Variants in CUL3 observed in about 807,000 individuals in gnomAD.
CUL3 encodes cullin-3.
CUL3 carries 19 observed loss-of-function variants against 89.1 expected under a neutral mutation model. The observed-to-expected ratio is 0.21, with a 90% CI of 0.15 to 0.31. The LOEUF is 0.31. CUL3 is among the 10% of genes least tolerant of loss of function. The pLI is 1.00. For missense variants in CUL3, 469 were observed against 942.3 expected (o/e 0.50, Z 6.58); for synonymous variants, 351 against 308.4 (o/e 1.14, Z -1.45).
intron 6 of CUL3, among the ~76,000 whole-genome samples, chr2:224,509,210 A>AC (rs961443826): frequency 1.3e-5 from 2 of 151,716 alleles, no homozygotes; most frequent in Non-Finnish European, 2.9e-5. Flanking sequence ...AGAAAAATTA[A>AC]CCCCCCCACC....
intron 6 of CUL3, among the ~76,000 whole-genome samples, chr2:224,508,952 A>G (rs1238510651): frequency 5.2e-5 from 5 of 96,098 alleles, no homozygotes; most frequent in Admixed American, 1.3e-4. Flanking sequence ...ACAGAGCAAG[A>G]CTTCGTCTCA....
At chr2:224,548,938 A>G (rs1694404541) in intron 2 of CUL3, among the ~76,000 whole-genome samples, 1 of 152,016 alleles carries the variant, frequency 6.6e-6, no homozygotes, top group African/African-American at 2.4e-5. Context: ...GGAGGCGGAG[A>G]ATGCAGTGAA....
At chr2:224,550,742 A>C (rs1694482164) in intron 2 of CUL3, among the ~76,000 whole-genome samples, 1 of 152,112 alleles carries the variant, frequency 6.6e-6, no homozygotes, top group South Asian at 2.1e-4. Flanking sequence ...AACTTTTCTC[A>C]ATCTTAACTG....
At chr2:224,518,111 C>T (rs1039113333) in intron 3 of CUL3, among the ~76,000 whole-genome samples, 7 of 152,148 alleles carry the variant, frequency 4.6e-5, no homozygotes, top group South Asian at 2.1e-4. Flanking sequence ...AACCTTTTAT[C>T]GGGATTTGCA....
intron 3 of CUL3, among the ~76,000 whole-genome samples, chr2:224,528,109 G>GTGGTAATT (rs1693544857): frequency 6.6e-6 from 1 of 152,112 alleles, no homozygotes; most frequent in Non-Finnish European, 1.5e-5. Context: ...TCTTATTGCT[G>GTGGTAATT]CTGTAAAAAT....
At chr2:224,580,408 A>T (rs1695405340) in intron 1 of CUL3, among the ~76,000 whole-genome samples, 1 of 152,206 alleles carries the variant, frequency 6.6e-6, no homozygotes, top group Non-Finnish European at 1.5e-5. Flanking sequence ...TAAGGCTGAA[A>T]CGCGGTGGCT....
intron 6 of CUL3, among the ~76,000 whole-genome samples, chr2:224,510,631 G>A (rs958040337): frequency 6.6e-6 from 1 of 152,128 alleles, no homozygotes; most frequent in Admixed American, 6.6e-5. Flanking sequence ...CATATAAGTG[G>A]TAAAGGCAAA....
chr2:224,480,633 A>G (rs535273495), intron 14 of CUL3, among the ~76,000 whole-genome samples: 1 of 152,278 alleles, frequency 6.6e-6, no homozygotes, highest in South Asian at 2.1e-4. Context: ...GACATGATAG[A>G]ATCTGGGATA....
chr2:224,581,774 G>C (rs2106328430), intron 1 of CUL3, among the ~76,000 whole-genome samples: 1 of 151,872 alleles, frequency 6.6e-6, no homozygotes, highest in South Asian at 2.1e-4. Flanking sequence ...CTCTCCCGAA[G>C]TGCTAGGATT....
rs201347154 is a variant in CUL3, at chr2:224,474,411, C to A, written c.2176-35G>T. ...AAAGTAGATAGTATTTTTATATAAA[C>A]ACATAAAAATTCGTATCTTTGAACA... is the stretch of plus-strand genomic sequence containing the variant. On this transcript the variant is annotated intron_variant, in intron 15 of 15. Coordinates refer to ENST00000264414, the MANE Select transcript of CUL3 (RefSeq NM_003590.5). 6.7e-5 allele frequency: 106 copies of A among 1,584,172 alleles called. No homozygotes were observed. In the African/African-American group the frequency reaches 1.2e-3, roughly 18 times the overall value.
chr2:224,569,244 T>G (rs1015830704), intron 1 of CUL3, among the ~76,000 whole-genome samples: 1 of 152,012 alleles, frequency 6.6e-6, no homozygotes, highest in African/African-American at 2.4e-5. Context: ...AACAATAAAA[T>G]AAACTGCACA....
Position 224,503,663 on chromosome 2 carries a change from A to G in CUL3, c.1366T>C (p.Ser456Pro). The G allele has an allele frequency of 6.3e-7, 1 of 1,587,138 alleles. No individual in the cohort carries two copies. ...VSDDSEKNMI[S>P]KLKTECGCQF... ...AAAACACACCTTACCTTTAACTTAG[A>G]TATCATGTTTTTTTCAGAGTCATCA... The change falls in exon 9 of 16, where the codon TCT becomes CCT. Residue 456 changes from serine to proline, a missense_variant. By Grantham distance (74) the Ser-to-Pro change is moderately conservative (BLOSUM62 -1). Coordinates refer to ENST00000264414, the MANE Select transcript of CUL3 (RefSeq NM_003590.5).
At chr2:224,567,822 T>A (rs925011312) in intron 1 of CUL3, among the ~76,000 whole-genome samples, 1 of 151,886 alleles carries the variant, frequency 6.6e-6, no homozygotes, top group Non-Finnish European at 1.5e-5. Flanking sequence ...TCTACTTCCC[T>A]CAAAATCACA....
chr2:224,561,996 C>G (rs1245343096), intron 1 of CUL3, among the ~76,000 whole-genome samples: 1 of 152,118 alleles, frequency 6.6e-6, no homozygotes, highest in Admixed American at 6.5e-5. Flanking sequence ...AATAGCTGAG[C>G]AAAACATCAA....
chr2:224,536,644 T>A (rs916709393), intron 2 of CUL3, among the ~76,000 whole-genome samples: 1 of 152,220 alleles, frequency 6.6e-6, no homozygotes, highest in Non-Finnish European at 1.5e-5. Context: ...GATTACCTGC[T>A]TTTGCACATA....
At chr2:224,548,741 C>T (rs1694397012) in intron 2 of CUL3, among the ~76,000 whole-genome samples, 1 of 152,192 alleles carries the variant, frequency 6.6e-6, no homozygotes, top group Non-Finnish European at 1.5e-5. Context: ...CAATGGCTCA[C>T]GCCTGTAGTC....
At position 224,573,440 on chromosome 2, in the gene CUL3, T is replaced by C. The variant is rs1001263845; in HGVS notation, c.66+11504A>G. On this transcript the variant is annotated intron_variant, in intron 1 of 15. Coordinates refer to ENST00000264414, the MANE Select transcript of CUL3 (RefSeq NM_003590.5). ...CACTAAGGTCCCCTTAAACAAGTTA[T>C]ATATTCAAATGTTACTGAACAATAC... Among the ~76,000 whole-genome samples the C allele has an allele frequency of 2.6e-5, 4 of 152,250 alleles. No individual in the cohort carries two copies. In the East Asian group the frequency reaches 7.7e-4, roughly 29 times the overall value.
Position 224,585,197 on chromosome 2 carries a change from C to T in CUL3, c.-188G>A. 1.0e-5 allele frequency: 3 copies of T among 293,906 alleles called. No individual in the cohort carries two copies. Among genetic ancestry groups the T allele is most frequent in the Non-Finnish European group, 1.8e-5 (3 of 170,458 alleles). 18.2% of individuals were successfully genotyped at this position (293,906 alleles called of 1,614,324 possible). A position where few individuals can be genotyped will look rare whatever the true frequency, so the allele number is the denominator to read the frequency against. On this transcript the variant is annotated 5_prime_UTR_variant, in exon 1 of 16. Transcript: ENST00000264414. ...GCGGGGGCGGCGGCGGCGGCGGCGGCGGCTCGGACTCTGGCGACTCCGATG... is the reference window on the plus strand; with the variant it reads ...GCGGGGGCGGCGGCGGCGGCGGCGGTGGCTCGGACTCTGGCGACTCCGATG...
At chr2:224,482,670 G>A (rs181954821) in intron 13 of CUL3, among the ~76,000 whole-genome samples, 6 of 152,124 alleles carry the variant, frequency 3.9e-5, no homozygotes, top group Admixed American at 2.0e-4. Context: ...TCTTTACTGC[G>A]TATTATGAAT....
Sources: gnomAD v4.1 joint callset for allele counts (sites outside exome capture counted in the v4.1 genomes callset) on GRCh38, gnomAD v4.1.1 for gene constraint, MANE v1.5 for transcripts, NCBI Gene and HGNC (gene_info 2026-07-23, HGNC 2026-07-21) for gene names.